CORO7: variants seen among roughly 807,000 people sequenced by gnomAD.
CORO7 encodes the protein coronin-7.
A neutral mutation model predicts 126.6 loss-of-function variants in CORO7; 107 were observed. The observed-to-expected ratio is 0.85, with a 90% CI of 0.72 to 0.99. The LOEUF (loss-of-function observed/expected upper bound fraction) is 0.99, where lower values mean the gene tolerates loss of function less well. Ranked by LOEUF, CORO7 falls within the 50% of genes least tolerant of loss-of-function variation. The pLI, the probability that CORO7 is intolerant of heterozygous loss-of-function variation, is 0.00. For missense variants in CORO7, 1,314 were observed against 1,255.8 expected (o/e 1.05, Z -0.70); for synonymous variants, 603 against 536.8 (o/e 1.12, Z -1.70).
At chr16:4,393,688 A>T (rs1203060283) in intron 7 of CORO7, among the ~76,000 whole-genome samples, 1 of 152,148 alleles carries the variant, frequency 6.6e-6, no homozygotes, top group Non-Finnish European at 1.5e-5. Context: ...GGGAGGGGGT[A>T]TCTATGATGG....
rs1230831347 is a variant in CORO7, at chr16:4,361,018, G to A, written c.1842C>T (p.Ser614=). The change falls in exon 19 of 28, where the codon TCC becomes TCT. Residue 614 remains serine, a synonymous_variant. Transcript: ENST00000251166. ...CCCAGATGCGAACAGTGAGGTCATAGGAGGACGAGGCCAGCACATTGGCTG... is the reference window on the plus strand; with the variant it reads ...CCCAGATGCGAACAGTGAGGTCATAAGAGGACGAGGCCAGCACATTGGCTG... The part of the protein sequence containing the change: ...PLAANVLASS[S]YDLTVRIWDL... The A allele has an allele frequency of 1.2e-6, 2 of 1,613,322 alleles. No individual in the cohort carries two copies. Among genetic ancestry groups the A allele is most frequent in the South Asian group, 2.2e-5 (2 of 91,088 alleles).
At position 4,400,353 on chromosome 16, in the gene CORO7, G is replaced by T. The variant is rs2055754022; in HGVS notation, c.565-5014C>A. Among the ~76,000 whole-genome samples, 5 of 152,146 alleles carry T rather than the reference G, an allele frequency of 3.3e-5. No homozygotes were observed. The South Asian group carries it at 1.0e-3, about 32-fold the overall frequency. ...ATCTCTAAAAATACAAAAAAATTAG[G>T]CCAGGCATGGTGGCTCACACCTGTA... On this transcript the variant is annotated intron_variant, in intron 6 of 27. Coordinates refer to ENST00000251166, the MANE Select transcript of CORO7 (RefSeq NM_024535.5).
chr16:4,379,824 C>G lies in CORO7; in HGVS notation c.785+8162G>C, dbSNP rs537891612. Among the ~76,000 whole-genome samples, 4 of 150,554 alleles carry G rather than the reference C, an allele frequency of 2.7e-5. No individual in the cohort carries two copies. In the East Asian group the frequency reaches 7.8e-4, roughly 29 times the overall value. ...TTTGGAGGCTGAGGCGGGCAGATCA[C>G]CTGAGGTCAGGAGTTCCAGACCAAC... is the stretch of plus-strand genomic sequence containing the variant. On this transcript the variant is annotated intron_variant, in intron 9 of 27. Coordinates refer to ENST00000251166, the MANE Select transcript of CORO7 (RefSeq NM_024535.5).
At chr16:4,366,535 C>CTTTTTTTT (rs544549233) in intron 9 of CORO7, among the ~76,000 whole-genome samples, 2 of 114,364 alleles carry the variant, frequency 1.7e-5, no homozygotes, top group African/African-American at 7.2e-5. Context: ...CTGATCTTTG[C>CTTTTTTTT]TTTTTTTTTT....
intron 9 of CORO7, chr16:4,382,353 G>T: frequency 1.2e-6 from 2 of 1,612,050 alleles, no homozygotes; most frequent in Non-Finnish European, 1.7e-6. Flanking sequence ...TGCAGCTCAG[G>T]AGCCTCCGTC....
Position 4,362,551 on chromosome 16 carries a change from C to A in CORO7, c.1402+61G>T. The A allele has an allele frequency of 3.4e-6, 5 of 1,483,212 alleles. No homozygotes were observed. Among genetic ancestry groups the A allele is most frequent in the Non-Finnish European group, 4.5e-6 (5 of 1,117,986 alleles). The allele number at this position is 1,483,212 out of a possible 1,614,324, so 91.9% of individuals were successfully genotyped here. ...AGCAGTAGGGTACACAGGAGGATGA[C>A]GGGGAGTGGGGCAGACAGGGCTCCT... On this transcript the variant is annotated intron_variant, in intron 15 of 27. Coordinates refer to ENST00000251166, the MANE Select transcript of CORO7 (RefSeq NM_024535.5). The surrounding 1 kb of genome is among the most constrained non-coding windows in gnomAD (Gnocchi z 5.3).
At chr16:4,370,822 C>CA (rs397763323) in intron 9 of CORO7, among the ~76,000 whole-genome samples, 64 of 152,248 alleles carry the variant, frequency 4.2e-4, no homozygotes, top group Non-Finnish European at 8.1e-4. Flanking sequence ...TCAGGCCCCC[C>CA]AAAGACTAGA....
chr16:4,370,220 G>A (rs1254108213), intron 9 of CORO7, among the ~76,000 whole-genome samples: 1 of 152,224 alleles, frequency 6.6e-6, no homozygotes, highest in East Asian at 1.9e-4. Flanking sequence ...CAGGGCCAAG[G>A]GAAGAGGCAG....
chr16:4,381,913 G>A (rs779257249), intron 9 of CORO7: 24 of 1,606,172 alleles, frequency 1.5e-5, no homozygotes, highest in East Asian at 6.7e-5. Context: ...TGACTACGCC[G>A]ACTTTGGCTG....
chr16:4,393,066 A>G (rs1204625763), intron 7 of CORO7, among the ~76,000 whole-genome samples: 2 of 152,168 alleles, frequency 1.3e-5, no homozygotes, highest in Admixed American at 1.3e-4. Context: ...AGGGGAGAGG[A>G]GGAGGAAGGC....
In CORO7 at chr16:4,412,566, C is replaced by A. The variant is rs556338490; in HGVS notation, c.158-136G>T. 163 of 849,484 alleles carry A rather than the reference C, an allele frequency of 1.9e-4. 3 individuals carry two copies. The South Asian group carries it at 2.6e-3, about 14-fold the overall frequency. The allele number at this position is 849,484 out of a possible 1,614,324, so 52.6% of individuals were successfully genotyped here. A position where few individuals can be genotyped will look rare whatever the true frequency, so the allele number is the denominator to read the frequency against. On this transcript the variant is annotated intron_variant, in intron 2 of 27. Coordinates refer to ENST00000251166, the MANE Select transcript of CORO7 (RefSeq NM_024535.5). Reference sequence around the variant, plus strand: ...GCCTCTACCAATCACAAGATCATATCCTCTGCACGTAGCAATGGCCTGTGG... The same window carrying A: ...GCCTCTACCAATCACAAGATCATATACTCTGCACGTAGCAATGGCCTGTGG...
chr16:4,364,667 A>G lies in CORO7; in HGVS notation c.1067T>C (p.Leu356Pro). 6.3e-7 allele frequency: 1 copy of G among 1,582,774 alleles called. No homozygotes were observed. Among genetic ancestry groups the G allele is most frequent in the African/African-American group, 1.3e-5 (1 of 74,620 alleles). The change falls in exon 13 of 28, where the codon CTG becomes CCG. Residue 356 changes from leucine to proline, a missense_variant. By Grantham distance (98) the Leu-to-Pro change is moderately conservative. Transcript: ENST00000251166. ...CACACAGCCGGCAGTGTCCGGGAAC[A>G]GGTCCTCGTGGAACTCCACAGCCTG... ...PRKAVEFHED[L>P]FPDTAGCVPA...
At chr16:4,382,006 C>G in intron 9 of CORO7, 1 of 1,605,776 alleles carries the variant, frequency 6.2e-7, no homozygotes, top group South Asian at 1.1e-5. Flanking sequence ...TAGCTTGGCT[C>G]CTACCTGGCT....
chr16:4,359,656 C>T, intron 21 of CORO7, 35 bp from the exon 22 acceptor site: 1 of 1,564,476 alleles, frequency 6.4e-7, no homozygotes, highest in Non-Finnish European at 8.7e-7. Flanking sequence ...GCAGGTGTTT[C>T]AGAGCTGAAG....
At chr16:4,373,411 G>A (rs756599141) in intron 9 of CORO7, among the ~76,000 whole-genome samples, 15 of 152,164 alleles carry the variant, frequency 9.9e-5, no homozygotes, top group South Asian at 4.1e-4. Context: ...CTGTGGGTCC[G>A]GAGGGTCAGA....
chr16:4,364,511 G>T, intron 13 of CORO7, 86 bp downstream of exon 13: 1 of 1,495,552 alleles, frequency 6.7e-7, no homozygotes, highest in African/African-American at 1.4e-5. Context: ...GGGGCACCCA[G>T]CAGGCCAGAC....
At chr16:4,387,847 A>G in intron 9 of CORO7, 139 bp downstream of exon 9, 2 of 1,074,918 alleles carry the variant, frequency 1.9e-6, no homozygotes, top group East Asian at 2.6e-5. Context: ...TGTCTGTTGC[A>G]AGGCCTTGCA....
rs770039517 is a variant in CORO7 at position 4,416,451 on chromosome 16, G to A, written c.60+8C>T. ...GGCGACAGCGCCCGGTCCTCGGGCC[G>A]GACTCACCTCGCGGCGGGGCGGCCG... On this transcript the variant is annotated splice_region_variant and intron_variant, in intron 1 of 27. Coordinates refer to ENST00000251166, the MANE Select transcript of CORO7 (RefSeq NM_024535.5). 3 of 1,571,292 alleles carry A rather than the reference G, an allele frequency of 1.9e-6. No individual in the cohort carries two copies. The highest frequency in any genetic ancestry group is 2.3e-5 in the South Asian group (2 of 86,996).
intron 9 of CORO7, among the ~76,000 whole-genome samples, chr16:4,374,055 G>C (rs1215932339): frequency 6.6e-6 from 1 of 152,174 alleles, no homozygotes; most frequent in Non-Finnish European, 1.5e-5. Context: ...TGTGGAATTT[G>C]CGTGAGTTCT....
Sources: allele counts gnomAD v4.1 joint callset (sites outside exome capture counted in the v4.1 genomes callset), GRCh38; gene constraint gnomAD v4.1.1; non-coding constraint Gnocchi (gnomAD v3.1); transcripts MANE v1.5; gene names NCBI Gene and HGNC (gene_info 2026-07-23, HGNC 2026-07-21).